The following ERBB4 variants were observed in gnomAD, a reference collection of about 807,000 sequenced individuals.
ERBB4 encodes erb-b2 receptor tyrosine kinase 4.
Under a neutral mutation model 158.0 loss-of-function variants are expected in ERBB4, and 42 were observed. The observed-to-expected ratio is 0.27, with a 90% CI of 0.21 to 0.34. ERBB4 has a LOEUF of 0.34. Ranked by LOEUF, ERBB4 falls within the 10% of genes least tolerant of loss-of-function variation. The pLI, the probability that ERBB4 is intolerant of heterozygous loss-of-function variation, is 1.00. For synonymous variants in ERBB4, 583 were observed against 558.7 expected (o/e 1.04, Z -0.61); for missense variants, 1,333 against 1,624.1 (o/e 0.82, Z 3.08).
chr2:211,590,562 C>A (rs1196412865), intron 19 of ERBB4, among the ~76,000 whole-genome samples: 1 of 151,966 alleles, frequency 6.6e-6, no homozygotes, highest in Non-Finnish European at 1.5e-5. Flanking sequence ...AAGACAGGGA[C>A]CCCCCTCCCC....
intron 1 of ERBB4, among the ~76,000 whole-genome samples, chr2:212,174,533 T>C (rs2081605149): frequency 6.6e-6 from 1 of 152,094 alleles, no homozygotes; most frequent in Admixed American, 6.6e-5. Flanking sequence ...TGTTCAAATG[T>C]GTTATTCCTT....
chr2:211,573,529 G>T (rs2067799402), intron 19 of ERBB4, among the ~76,000 whole-genome samples: 1 of 151,990 alleles, frequency 6.6e-6, no homozygotes, highest in South Asian at 2.1e-4. Context: ...AATTAGCCGG[G>T]CATGGTGGCA....
At chr2:212,238,586 G>A (rs192879779) in intron 1 of ERBB4, among the ~76,000 whole-genome samples, 1 of 152,074 alleles carries the variant, frequency 6.6e-6, no homozygotes, top group South Asian at 2.1e-4. Context: ...TTAAAATGAA[G>A]AGCTTGATTG....
At chr2:212,133,346 A>C (rs989138511) in intron 1 of ERBB4, among the ~76,000 whole-genome samples, 4 of 151,064 alleles carry the variant, frequency 2.6e-5, no homozygotes, top group Non-Finnish European at 5.9e-5. Context: ...CTTATCTAAA[A>C]TAGACATCAG....
At chr2:211,500,245 T>C (rs567319975) in intron 20 of ERBB4, among the ~76,000 whole-genome samples, 10 of 152,280 alleles carry the variant, frequency 6.6e-5, no homozygotes, top group African/African-American at 2.4e-4. Context: ...TTAAGCCACA[T>C]TACTTATTCA....
intron 2 of ERBB4, among the ~76,000 whole-genome samples, chr2:212,027,250 T>C (rs1293624206): frequency 1.3e-5 from 2 of 152,048 alleles, no homozygotes; most frequent in Admixed American, 6.6e-5. Flanking sequence ...TTCATTAAAT[T>C]TAACCATGGA....
intron 1 of ERBB4, among the ~76,000 whole-genome samples, chr2:212,288,636 T>C (rs1395845072): frequency 4.6e-5 from 7 of 152,120 alleles, no homozygotes; most frequent in Admixed American, 2.6e-4. Context: ...CTTTCCCTTT[T>C]CATCCAATAA....
At chr2:211,706,602 A>AAAC (rs1553614595) in intron 9 of ERBB4, among the ~76,000 whole-genome samples, 1 of 132,236 alleles carries the variant, frequency 7.6e-6, no homozygotes, top group Non-Finnish European at 1.6e-5. Flanking sequence ...TTAAAAAAAC[A>AAAC]AAAAAAAAAA....
At chr2:211,601,227 G>A (rs2068790630) in intron 19 of ERBB4, among the ~76,000 whole-genome samples, 1 of 151,370 alleles carries the variant, frequency 6.6e-6, no homozygotes, top group African/African-American at 2.4e-5. Flanking sequence ...CGAAGGAAAA[G>A]TCAAGAAAAT....
chr2:212,250,257 A>G (rs1344556780), intron 1 of ERBB4, among the ~76,000 whole-genome samples: 3 of 151,930 alleles, frequency 2.0e-5, no homozygotes, highest in African/African-American at 7.2e-5. Flanking sequence ...ACCTGCTGAC[A>G]TTTGTCTCAG....
At chr2:212,424,713 TTTTC>T (rs1326342369) in intron 1 of ERBB4, among the ~76,000 whole-genome samples, 2 of 152,062 alleles carry the variant, frequency 1.3e-5, no homozygotes, top group East Asian at 1.9e-4. Context: ...TTTTTTTTTG[TTTTC>T]TTTTTTTGTT....
At chr2:211,794,903 T>C (rs2076350935) in intron 3 of ERBB4, among the ~76,000 whole-genome samples, 2 of 151,904 alleles carry the variant, frequency 1.3e-5, no homozygotes, top group East Asian at 1.9e-4. Context: ...ACATAAATGC[T>C]GTAAAAGTCA....
intron 13 of ERBB4, among the ~76,000 whole-genome samples, chr2:211,675,113 C>G (rs865908500): frequency 6.6e-6 from 1 of 152,104 alleles, no homozygotes; most frequent in African/African-American, 2.4e-5. Flanking sequence ...CTTTTTCTTT[C>G]CTGTCCTCTA....
intron 1 of ERBB4, among the ~76,000 whole-genome samples, chr2:212,444,905 A>G (rs1231575036): frequency 1.3e-5 from 2 of 151,824 alleles, no homozygotes; most frequent in Non-Finnish European, 2.9e-5. Context: ...CCTCACTGGA[A>G]TAGACACTTA....
In ERBB4 at chr2:211,383,544, A is replaced by G; in HGVS notation, c.*71T>C. On this transcript the variant is annotated 3_prime_UTR_variant, in exon 28 of 28. Coordinates refer to ENST00000342788, the MANE Select transcript of ERBB4 (RefSeq NM_005235.3). ...CTGGCCTTGGGGTAGAAGGAAGACC[A>G]CCAGAGAAAGAGAGGGGGGTGGGGA... 2.3e-6 allele frequency: 3 copies of G among 1,303,128 alleles called. No homozygotes were observed. The highest frequency in any genetic ancestry group is 1.7e-5 in the Admixed American group (1 of 58,930). The allele number at this position is 1,303,128 out of a possible 1,614,324, so 80.7% of individuals were successfully genotyped here.
chr2:212,355,287 G>T (rs2089420827), intron 1 of ERBB4, among the ~76,000 whole-genome samples: 1 of 151,942 alleles, frequency 6.6e-6, no homozygotes, highest in Admixed American at 6.6e-5. Flanking sequence ...CTAGACCCTA[G>T]GGTTTTGTAC....
At chr2:211,456,856 G>C (rs542718397) in intron 20 of ERBB4, among the ~76,000 whole-genome samples, 5 of 152,090 alleles carry the variant, frequency 3.3e-5, no homozygotes, top group African/African-American at 9.7e-5. Context: ...GAGGTGGAGC[G>C]CAGGCAGTAA....
chr2:211,506,652 T>A (rs2065758463), intron 20 of ERBB4, among the ~76,000 whole-genome samples: 1 of 152,038 alleles, frequency 6.6e-6, no homozygotes, highest in African/African-American at 2.4e-5. Context: ...TATTTCTGAA[T>A]GACTTTTGGG....
At chr2:211,599,513 CTGTG>C (rs6147153) in intron 19 of ERBB4, among the ~76,000 whole-genome samples, 2 of 140,802 alleles carry the variant, frequency 1.4e-5, no homozygotes, top group Admixed American at 7.2e-5. Context: ...ATAATTTCTT[CTGTG>C]TGTGTGTGTG....
Sources: allele counts gnomAD v4.1 joint callset (sites outside exome capture counted in the v4.1 genomes callset), GRCh38; gene constraint gnomAD v4.1.1; transcripts MANE v1.5; gene names NCBI Gene and HGNC (gene_info 2026-07-23, HGNC 2026-07-21).